The following TBC1D22A variants were observed in gnomAD, a reference collection of about 807,000 sequenced individuals.
The protein encoded by TBC1D22A is TBC1 domain family member 22A.
A neutral mutation model predicts 60.2 loss-of-function variants in TBC1D22A; 38 were observed. The observed-to-expected ratio is 0.63, with a 90% CI of 0.49 to 0.83. The LOEUF (loss-of-function observed/expected upper bound fraction) is 0.83, where lower values mean the gene tolerates loss of function less well. Ranked by LOEUF, TBC1D22A falls within the 40% of genes least tolerant of loss-of-function variation. The pLI, the probability that TBC1D22A is intolerant of heterozygous loss-of-function variation, is 0.00. For synonymous variants in TBC1D22A, 302 were observed against 281.7 expected (o/e 1.07, Z -0.72); for missense variants, 628 against 701.0 (o/e 0.90, Z 1.18).
intron 11 of TBC1D22A, among the ~76,000 whole-genome samples, chr22:47,066,142 A>G (rs2063766595): frequency 6.6e-6 from 1 of 152,240 alleles, no homozygotes; most frequent in Admixed American, 6.5e-5. Flanking sequence ...TTTGGGAACT[A>G]AGCTGCTGGG....
At chr22:46,890,074 G>A (rs759063268) in intron 5 of TBC1D22A, among the ~76,000 whole-genome samples, 28 of 152,202 alleles carry the variant, frequency 1.8e-4, no homozygotes, top group Admixed American at 5.9e-4. Context: ...AGGCCGGCAC[G>A]GTGGCCCACG....
intron 12 of TBC1D22A, among the ~76,000 whole-genome samples, chr22:47,144,673 GGTGC>G (rs2067226094): frequency 6.6e-6 from 1 of 152,188 alleles, no homozygotes; most frequent in African/African-American, 2.4e-5. Flanking sequence ...GGACTTCACG[GGTGC>G]AGCCCGTGAA....
chr22:46,794,815 G>T lies in TBC1D22A; in HGVS notation c.460+974G>T, dbSNP rs1405609335. On this transcript the variant is annotated intron_variant, in intron 3 of 12. Transcript: ENST00000337137. Reference sequence around the variant, plus strand: ...GTGTCAGTGGTGCTGTTGGGAGGCAGGGGGTGAGGGGCAGGGGCGAAGTCC... The same window carrying T: ...GTGTCAGTGGTGCTGTTGGGAGGCATGGGGTGAGGGGCAGGGGCGAAGTCC... Among the ~76,000 whole-genome samples the T allele has an allele frequency of 3.3e-5, 5 of 152,180 alleles. No homozygotes were observed. The East Asian group carries it at 5.8e-4, about 18-fold the overall frequency.
chr22:47,156,237 C>G (rs1467834117), intron 12 of TBC1D22A, among the ~76,000 whole-genome samples: 1 of 152,244 alleles, frequency 6.6e-6, no homozygotes, highest in Non-Finnish European at 1.5e-5. Flanking sequence ...GCTGGACTAT[C>G]TGACAGCAGT....
chr22:47,004,576 A>G (rs750484652), intron 10 of TBC1D22A, among the ~76,000 whole-genome samples: 20 of 151,108 alleles, frequency 1.3e-4, no homozygotes, highest in Non-Finnish European at 2.8e-4. Context: ...ACCCCTGCAC[A>G]TGTGCCTGTA....
intron 8 of TBC1D22A, chr22:46,914,467 G>A (rs898496229): frequency 2.6e-5 from 4 of 151,666 alleles, no homozygotes; most frequent in African/African-American, 9.7e-5. Flanking sequence ...TTCGGTCCTG[G>A]ATTTCACATG....
intron 4 of TBC1D22A, among the ~76,000 whole-genome samples, chr22:46,812,801 G>A (rs1226583232): frequency 6.6e-6 from 1 of 152,192 alleles, no homozygotes; most frequent in Non-Finnish European, 1.5e-5. Context: ...ACAAGAAAAC[G>A]TTTCCTAATC....
intron 11 of TBC1D22A, among the ~76,000 whole-genome samples, chr22:47,057,974 G>A (rs893511284): frequency 3.9e-5 from 6 of 152,220 alleles, no homozygotes; most frequent in African/African-American, 1.4e-4. Context: ...GGCCCCACGA[G>A]GATCTCAGCT....
intron 11 of TBC1D22A, among the ~76,000 whole-genome samples, chr22:47,068,301 G>T (rs2063848491): frequency 6.6e-6 from 1 of 152,220 alleles, no homozygotes; most frequent in Admixed American, 6.5e-5. Flanking sequence ...GTAGAAAGCA[G>T]GCATCCTTGA....
intron 8 of TBC1D22A, among the ~76,000 whole-genome samples, chr22:46,934,395 A>G (rs2071527282): frequency 2.0e-5 from 3 of 152,198 alleles, no homozygotes; most frequent in South Asian, 4.1e-4. Flanking sequence ...ACCCTTTCTC[A>G]GTGCCGTAAA....
intron 4 of TBC1D22A, among the ~76,000 whole-genome samples, chr22:46,836,768 A>C (rs868764487): frequency 3.9e-5 from 6 of 152,220 alleles, no homozygotes; most frequent in South Asian, 2.1e-4. Flanking sequence ...CATAGGCTGA[A>C]AGTGAAGGGA....
rs1569482619 is a variant in TBC1D22A, at chr22:47,172,053, GAGCC to G, written c.1426-1444_1426-1441del. Among the ~76,000 whole-genome samples the G allele has an allele frequency of 7.5e-5, 10 of 133,092 alleles. No homozygotes were observed. The East Asian group carries it at 1.2e-3, about 16-fold the overall frequency. 87.3% of individuals were successfully genotyped at this position (133,092 alleles called of 152,430 possible). A position where few individuals can be genotyped will look rare whatever the true frequency, so the allele number is the denominator to read the frequency against. On this transcript the variant is annotated intron_variant, in intron 12 of 12. Coordinates refer to ENST00000337137, the MANE Select transcript of TBC1D22A (RefSeq NM_014346.5). ...AGTGAGCCTACCCAGCACTCCCAGT[GAGCC>G]TACCCAGCACTCCCAGTGAGCCTAC...
intron 1 of TBC1D22A, among the ~76,000 whole-genome samples, chr22:46,771,463 C>T (rs902938917): frequency 6.6e-6 from 1 of 152,066 alleles, no homozygotes; most frequent in African/African-American, 2.4e-5. Context: ...GTATACTGAA[C>T]AGTGCACCCG....
At chr22:46,886,699 T>C (rs1348005712) in intron 5 of TBC1D22A, among the ~76,000 whole-genome samples, 1 of 152,248 alleles carries the variant, frequency 6.6e-6, no homozygotes, top group African/African-American at 2.4e-5. Flanking sequence ...ATGCGTATGA[T>C]GGAAGCCAGT....
At chr22:47,167,713 G>A (rs116469881) in intron 12 of TBC1D22A, among the ~76,000 whole-genome samples, 357 of 152,312 alleles carry the variant, frequency 2.3e-3, no homozygotes, top group African/African-American at 8.3e-3. Flanking sequence ...CTTTGAATGG[G>A]GGAGTGCATG....
intron 11 of TBC1D22A, among the ~76,000 whole-genome samples, chr22:47,072,647 A>T (rs2064046517): frequency 6.6e-6 from 1 of 152,190 alleles, no homozygotes; most frequent in Non-Finnish European, 1.5e-5. Context: ...CACCCTGTGC[A>T]GGGGGCCTAG....
intron 10 of TBC1D22A, among the ~76,000 whole-genome samples, chr22:47,027,976 C>T (rs2062316818): frequency 6.6e-6 from 1 of 152,182 alleles, no homozygotes; most frequent in South Asian, 2.1e-4. Context: ...TTCAGGCACC[C>T]AGGGAAGCGG....
intron 8 of TBC1D22A, among the ~76,000 whole-genome samples, chr22:46,923,257 A>G (rs749970242): frequency 1.8e-4 from 27 of 152,216 alleles, no homozygotes; most frequent in Admixed American, 1.2e-3. Context: ...CTCCCCTTTG[A>G]TTAAGATCCT....
chr22:46,957,416 G>A (rs1216462649), intron 8 of TBC1D22A, among the ~76,000 whole-genome samples: 1 of 152,218 alleles, frequency 6.6e-6, no homozygotes, highest in Non-Finnish European at 1.5e-5. Context: ...GGGAAAGCAG[G>A]CATCTTCTTC....
Sources: allele counts gnomAD v4.1 joint callset (sites outside exome capture counted in the v4.1 genomes callset), GRCh38; gene constraint gnomAD v4.1.1; transcripts MANE v1.5; gene names NCBI Gene and HGNC (gene_info 2026-07-23, HGNC 2026-07-21).